SLC24A2: variants seen among roughly 807,000 people sequenced by gnomAD.
SLC24A2 encodes solute carrier family 24 member 2, also known as sodium/potassium/calcium exchanger 2.
Under a neutral mutation model 62.0 loss-of-function variants are expected in SLC24A2, and 36 were observed. That is an observed-to-expected ratio of 0.58 (90% CI 0.44 to 0.77). SLC24A2 has a LOEUF of 0.77. Ranked by LOEUF, SLC24A2 falls within the 30% of genes least tolerant of loss-of-function variation. The pLI, the probability that SLC24A2 is intolerant of heterozygous loss-of-function variation, is 0.00. For missense variants in SLC24A2, 846 were observed against 817.9 expected (o/e 1.03, Z -0.42); for synonymous variants, 358 against 294.0 (o/e 1.22, Z -2.23).
At chr9:20,155,207 T>C in the SLC24A2 span, among the ~76,000 whole-genome samples, 3 of 149,438 alleles carry the variant, frequency 2.0e-5, no homozygotes, top group Non-Finnish European at 3.0e-5. Flanking sequence ...ACAAGGAGCA[T>C]TGTAAGTGTT....
At chr9:19,894,627 T>A in the SLC24A2 span, among the ~76,000 whole-genome samples, 1 of 152,192 alleles carries the variant, frequency 6.6e-6, no homozygotes, top group Admixed American at 6.5e-5. Context: ...TTTCTAATTT[T>A]GAGTAAGCAC....
At chr9:19,984,108 A>G in the SLC24A2 span, among the ~76,000 whole-genome samples, 1 of 152,232 alleles carries the variant, frequency 6.6e-6, no homozygotes, top group Non-Finnish European at 1.5e-5. Flanking sequence ...TGGGTTTATC[A>G]GAATGTAACC....
At chr9:20,186,098 G>A in the SLC24A2 span, among the ~76,000 whole-genome samples, 2 of 152,134 alleles carry the variant, frequency 1.3e-5, no homozygotes, top group Non-Finnish European at 2.9e-5. Context: ...ACTTTCTGAG[G>A]AGGGGGCCGG....
chr9:19,949,074 A>G, the SLC24A2 span, among the ~76,000 whole-genome samples: 1 of 151,660 alleles, frequency 6.6e-6, no homozygotes, highest in Non-Finnish European at 1.5e-5. Context: ...GCTCACTGCA[A>G]CCTCTGCCCC....
At chr9:19,809,531 C>A in the SLC24A2 span, among the ~76,000 whole-genome samples, 2 of 152,026 alleles carry the variant, frequency 1.3e-5, no homozygotes, top group Admixed American at 6.6e-5. Flanking sequence ...TCCTTGCTAA[C>A]AACAGCAGCC....
the SLC24A2 span, among the ~76,000 whole-genome samples, chr9:19,971,127 A>G: frequency 3.9e-5 from 6 of 152,324 alleles, no homozygotes; most frequent in Admixed American, 2.6e-4. Context: ...ATGTATTTGC[A>G]TTATCCTTCT....
chr9:20,121,602 G>C, the SLC24A2 span, among the ~76,000 whole-genome samples: 5 of 152,090 alleles, frequency 3.3e-5, no homozygotes, highest in Admixed American at 6.6e-5. Context: ...GAGGATTTCT[G>C]AAGAAACGTG....
chr9:19,767,302 C>T (rs969101811), intron 2 of SLC24A2, among the ~76,000 whole-genome samples: 2 of 152,246 alleles, frequency 1.3e-5, no homozygotes, highest in African/African-American at 2.4e-5. Flanking sequence ...GGGGCATGAA[C>T]GGTTTTGTCT....
At chr9:20,163,119 A>G in the SLC24A2 span, among the ~76,000 whole-genome samples, 1 of 152,156 alleles carries the variant, frequency 6.6e-6, no homozygotes, top group Non-Finnish European at 1.5e-5. Context: ...TAGTGTTGGA[A>G]GTTCTGGCCA....
chr9:19,780,001 G>A (rs988091195), intron 2 of SLC24A2, among the ~76,000 whole-genome samples: 3 of 152,034 alleles, frequency 2.0e-5, no homozygotes, highest in South Asian at 2.1e-4. Context: ...GGTGGAGCTT[G>A]CAAGTGAGCC....
At chr9:20,131,688 T>C in the SLC24A2 span, among the ~76,000 whole-genome samples, 1 of 152,166 alleles carries the variant, frequency 6.6e-6, no homozygotes, top group African/African-American at 2.4e-5. Flanking sequence ...AGAGCTGCTA[T>C]AGACGACTGC....
the SLC24A2 span, among the ~76,000 whole-genome samples, chr9:19,878,161 A>G: frequency 6.6e-6 from 1 of 152,158 alleles, no homozygotes; most frequent in Non-Finnish European, 1.5e-5. Context: ...AAATGCCCTT[A>G]TCAGCAAGAA....
chr9:19,938,862 C>T, the SLC24A2 span, among the ~76,000 whole-genome samples: 2 of 152,130 alleles, frequency 1.3e-5, no homozygotes, highest in African/African-American at 4.8e-5. Context: ...CTTTGGCATC[C>T]GCTACAGCTT....
the SLC24A2 span, among the ~76,000 whole-genome samples, chr9:19,826,904 G>A: frequency 1.3e-5 from 2 of 152,134 alleles, no homozygotes; most frequent in Admixed American, 1.3e-4. Context: ...CTGGTTCCAT[G>A]TGTGAGTCCT....
At chr9:20,214,031 T>C in the SLC24A2 span, among the ~76,000 whole-genome samples, 1 of 152,214 alleles carries the variant, frequency 6.6e-6, no homozygotes, top group East Asian at 1.9e-4. Flanking sequence ...TTGTCGTGAG[T>C]GGCAGAATTT....
the SLC24A2 span, among the ~76,000 whole-genome samples, chr9:19,866,625 CTTTTTTTTTTTTT>C: frequency 5.6e-4 from 38 of 68,190 alleles, no homozygotes; most frequent in African/African-American, 2.0e-3. Flanking sequence ...CACGTTTTCA[CTTTTTTTTTTTTT>C]TTTTTTTTTT....
the SLC24A2 span, among the ~76,000 whole-genome samples, chr9:20,238,342 C>T: frequency 6.6e-6 from 1 of 152,146 alleles, no homozygotes; most frequent in Non-Finnish European, 1.5e-5. Flanking sequence ...AAAACTCCGA[C>T]CTTCACACAC....
the SLC24A2 span, among the ~76,000 whole-genome samples, chr9:20,278,766 C>G: frequency 6.6e-6 from 1 of 152,186 alleles, no homozygotes; most frequent in Non-Finnish European, 1.5e-5. Flanking sequence ...CTGCTCCAAC[C>G]TTTACCTGCC....
At chr9:19,751,214 T>A (rs73432036) in intron 2 of SLC24A2, among the ~76,000 whole-genome samples, 4,034 of 152,186 alleles carry the variant, frequency 0.027, 182 homozygotes, top group African/African-American at 0.09. Context: ...TGCTGGACAT[T>A]TTTCTGGGGG....
Sources: allele counts gnomAD v4.1 joint callset (sites outside exome capture counted in the v4.1 genomes callset), GRCh38; gene constraint gnomAD v4.1.1; transcripts MANE v1.5; gene names NCBI Gene and HGNC (gene_info 2026-07-23, HGNC 2026-07-21).